The following PARL variants were observed in gnomAD, a reference collection of about 807,000 sequenced individuals.
The protein encoded by PARL is presenilin-associated rhomboid-like protein, mitochondrial.
In PARL, 44 loss-of-function variants were observed where a neutral mutation model predicts 51.6. The observed-to-expected ratio is 0.85, with a 90% confidence interval of 0.67 to 1.10. The LOEUF (loss-of-function observed/expected upper bound fraction) is 1.10. Among genes scored for constraint, PARL ranks in the 50% least tolerant of loss-of-function variants. The probability of loss-of-function intolerance (pLI) is 0.00; values close to 1 mark genes in which losing one functional copy is unlikely to be tolerated. For missense variants in PARL, 441 were observed against 469.5 expected (o/e 0.94, Z 0.56); for synonymous variants, 172 against 164.0 (o/e 1.05, Z -0.37).
intron 9 of PARL, among the ~76,000 whole-genome samples, chr3:183,832,842 G>A (rs939712509): frequency 2.6e-5 from 4 of 152,168 alleles, no homozygotes; most frequent in Admixed American, 6.5e-5. Context: ...TGTGGTGGGG[G>A]TGGAAAGGGC....
At chr3:183,883,559 A>G in intron 1 of PARL, 1 of 978,134 alleles carries the variant, frequency 1.0e-6, no homozygotes, top group Non-Finnish European at 1.2e-6. Context: ...CGTGTGAGCC[A>G]CCACGCCCGG....
chr3:183,834,463 A>G (rs569280988), intron 7 of PARL, among the ~76,000 whole-genome samples: 1 of 152,212 alleles, frequency 6.6e-6, no homozygotes, highest in African/African-American at 2.4e-5. Context: ...TGAGTCTCAA[A>G]GTAATTATAC....
chr3:183,852,144 G>A (rs779079481), intron 4 of PARL, among the ~76,000 whole-genome samples: 2 of 152,090 alleles, frequency 1.3e-5, no homozygotes, highest in Non-Finnish European at 2.9e-5. Context: ...GTGACAGAGC[G>A]AGACTCTGTC....
intron 4 of PARL, chr3:183,856,695 C>CA (rs1186991530): frequency 6.6e-6 from 1 of 152,086 alleles, no homozygotes; most frequent in Non-Finnish European, 1.5e-5. Context: ...TTGCTAACCA[C>CA]AAAAAAGGAT....
chr3:183,861,172 A>T, intron 4 of PARL: 2 of 523,898 alleles, frequency 3.8e-6, no homozygotes, highest in Non-Finnish European at 4.9e-6. Flanking sequence ...GTGGAAACAG[A>T]TGTGCTACTA....
chr3:183,883,380 T>C (rs910311629), intron 1 of PARL, among the ~76,000 whole-genome samples: 1 of 152,210 alleles, frequency 6.6e-6, no homozygotes, highest in Non-Finnish European at 1.5e-5. Context: ...GCCATTCTCC[T>C]GCCTCAGGCT....
Position 183,844,508 on chromosome 3 carries a change from G to C in PARL, c.512-182C>G, listed in dbSNP as rs975240527. The C allele has an allele frequency of 1.1e-5, 6 of 559,014 alleles. No individual in the cohort carries two copies. The Admixed American group carries it at 1.2e-4, about 11-fold the overall frequency. The allele number at this position is 559,014 out of a possible 1,614,324, so 34.6% of individuals were successfully genotyped here. A position where few individuals can be genotyped will look rare whatever the true frequency, so the allele number is the denominator to read the frequency against. On this transcript the variant is annotated intron_variant, in intron 4 of 9. Transcript: ENST00000317096. The stretch of plus-strand genomic sequence containing the variant: ...CTTTTAAAGTATCAGCACTGCCTAG[G>C]GTTGGTAAAGTCACAGAATTCCTGG...
At chr3:183,858,680 T>C (rs552774169) in intron 4 of PARL, among the ~76,000 whole-genome samples, 5 of 152,270 alleles carry the variant, frequency 3.3e-5, no homozygotes, top group African/African-American at 1.2e-4. Flanking sequence ...ATATTCTCTC[T>C]GGGGGTTGCC....
intron 1 of PARL, among the ~76,000 whole-genome samples, chr3:183,870,585 T>C (rs1733074388): frequency 6.6e-6 from 1 of 152,140 alleles, no homozygotes; most frequent in Non-Finnish European, 1.5e-5. Flanking sequence ...CACCATTTCC[T>C]AGCAGATCTC....
At chr3:183,866,336 T>C (rs1402435513) in intron 3 of PARL, among the ~76,000 whole-genome samples, 1 of 152,190 alleles carries the variant, frequency 6.6e-6, no homozygotes, top group Non-Finnish European at 1.5e-5. Context: ...GATGTTGCCA[T>C]TAACTAAAAG....
intron 7 of PARL, among the ~76,000 whole-genome samples, chr3:183,838,120 C>T (rs569115469): frequency 6.6e-6 from 1 of 151,796 alleles, no homozygotes; most frequent in South Asian, 2.1e-4. Context: ...CTCCTAGGCT[C>T]AGGCATTCCT....
At chr3:183,882,220 AAAATATATATATATATATATATATT>A (rs1489771301) in intron 1 of PARL, among the ~76,000 whole-genome samples, 15 of 60,872 alleles carry the variant, frequency 2.5e-4, no homozygotes, top group African/African-American at 1.4e-3. Context: ...AAAAAAAAAA[AAAATATATATATATATATATATATT>A]TATATATATA....
chr3:183,878,555 C>T (rs571165703), intron 1 of PARL, among the ~76,000 whole-genome samples: 15 of 152,264 alleles, frequency 9.9e-5, no homozygotes, highest in African/African-American at 3.1e-4. Context: ...CATGGCTCTA[C>T]CTCATAACAA....
intron 3 of PARL, 35 bp downstream of exon 3, chr3:183,866,590 T>C (rs1396222530): frequency 4.4e-6 from 7 of 1,588,462 alleles, no homozygotes; most frequent in Non-Finnish European, 6.0e-6. Context: ...AAAACCGTGA[T>C]TAACTAGAAG....
downstream of PARL, among the ~76,000 whole-genome samples, chr3:183,827,736 G>A (rs1482845106): frequency 1.3e-5 from 2 of 151,968 alleles, no homozygotes; most frequent in Non-Finnish European, 2.9e-5. Context: ...CTATTTGAGG[G>A]GCCTGTGCAG....
chr3:183,875,793 T>A (rs552872947), intron 1 of PARL, among the ~76,000 whole-genome samples: 2 of 152,194 alleles, frequency 1.3e-5, no homozygotes, highest in Non-Finnish European at 2.9e-5. Flanking sequence ...TGGAAGAAGA[T>A]GCCATCTAAG....
rs765336455 is a variant in PARL at position 183,884,798 on chromosome 3, A to G, written c.49T>C (p.Trp17Arg). The change falls in exon 1 of 10, where the codon TGG (tryptophan) becomes CGG (arginine). Residue 17 changes from tryptophan (W) to arginine (R), a missense_variant. By Grantham distance (101) the Trp-to-Arg change is moderately radical. Transcript: ENST00000317096. Reference protein sequence around the residue: ...AQRGWGCGQAWGASVGGRSCE... With the variant: ...AQRGWGCGQARGASVGGRSCE... ...CTGCGGCCGCCCACCGACGCACCCC[A>G]CGCCTGGCCGCAGCCCCAGCCTCTC... The G allele has an allele frequency of 4.4e-6, 7 of 1,594,910 alleles. No homozygotes were observed. The South Asian group carries it at 6.7e-5, about 15-fold the overall frequency.
intron 4 of PARL, among the ~76,000 whole-genome samples, chr3:183,862,065 C>T (rs748473830): frequency 6.6e-6 from 1 of 152,168 alleles, no homozygotes; most frequent in Non-Finnish European, 1.5e-5. Context: ...ATGAGCCACT[C>T]TTCCTGGCAA....
At chr3:183,835,511 C>T (rs1237803090) in intron 7 of PARL, among the ~76,000 whole-genome samples, 1 of 152,184 alleles carries the variant, frequency 6.6e-6, no homozygotes, top group Non-Finnish European at 1.5e-5. Flanking sequence ...ACAGCATGAA[C>T]ACTCCTCAAA....
Sources: gnomAD v4.1 joint callset for allele counts (sites outside exome capture counted in the v4.1 genomes callset) on GRCh38, gnomAD v4.1.1 for gene constraint, MANE v1.5 for transcripts, NCBI Gene and HGNC (gene_info 2026-07-23, HGNC 2026-07-21) for gene names.